Variants in GFPT2 observed in about 807,000 individuals in gnomAD.
GFPT2 encodes the protein glutamine--fructose-6-phosphate transaminase 2.
A neutral mutation model predicts 85.6 loss-of-function variants in GFPT2; 62 were observed. The observed-to-expected ratio is 0.72, with a 90% CI of 0.59 to 0.90. The LOEUF (loss-of-function observed/expected upper bound fraction) is 0.90. GFPT2 is among the 40% of genes least tolerant of loss of function. The pLI is 0.00. For synonymous variants in GFPT2, 368 were observed against 344.5 expected (o/e 1.07, Z -0.75); for missense variants, 788 against 893.4 (o/e 0.88, Z 1.50).
At chr5:180,322,868 CTA>C (rs1561877678) in intron 9 of GFPT2, among the ~76,000 whole-genome samples, 1 of 151,850 alleles carries the variant, frequency 6.6e-6, no homozygotes, top group African/African-American at 2.4e-5. Context: ...AACCCCATCT[CTA>C]CTAAAAATAC....
At position 180,317,024 on chromosome 5, in the gene GFPT2, G is replaced by C. The variant is rs201192607; in HGVS notation, c.993C>G (p.Phe331Leu). The C allele has an allele frequency of 1.9e-6, 3 of 1,610,914 alleles. No individual in the cohort carries two copies. The highest frequency in any genetic ancestry group is 2.5e-6 in the Non-Finnish European group (3 of 1,177,218). ...NFSAFMQKEI[F>L]EQPESVFNTM... is the part of the protein sequence containing the mutation. ...TATTGAAAACTGATTCTGGCTGTTC[G>C]AAGATCTCCTTCTGCATAAACGCAC... Residue 331 changes from phenylalanine to leucine, a missense_variant, in exon 11 of 19, where the codon TTC becomes TTG. Coordinates refer to ENST00000253778, the MANE Select transcript of GFPT2 (RefSeq NM_005110.4).
At chr5:180,336,937 T>G (rs1309151405) in intron 2 of GFPT2, among the ~76,000 whole-genome samples, 4 of 152,280 alleles carry the variant, frequency 2.6e-5, no homozygotes, top group Non-Finnish European at 4.4e-5. Flanking sequence ...GATATTTCGT[T>G]GGTATCTCCA....
At chr5:180,349,318 A>G (rs970059600) in intron 1 of GFPT2, among the ~76,000 whole-genome samples, 3 of 152,122 alleles carry the variant, frequency 2.0e-5, no homozygotes, top group Non-Finnish European at 4.4e-5. Flanking sequence ...AAAAATAAAA[A>G]TAAAATACCT....
chr5:180,301,552 A>T lies in GFPT2; in HGVS notation c.*12T>A. ...GATGAAAGGTGGTGATGGTCTTGTC[A>T]CGGTCTCAGCCTCATTCCACAGTTA... On this transcript the variant is annotated 3_prime_UTR_variant, in exon 19 of 19. Coordinates refer to ENST00000253778, the MANE Select transcript of GFPT2 (RefSeq NM_005110.4). 1 of 1,608,238 alleles carries T rather than the reference A, an allele frequency of 6.2e-7. No individual in the cohort carries two copies.
chr5:180,335,563 C>T (rs1178426840), intron 4 of GFPT2, among the ~76,000 whole-genome samples: 1 of 152,252 alleles, frequency 6.6e-6, no homozygotes. Flanking sequence ...TCCAAGGAGC[C>T]AGCAGCTCTC....
chr5:180,307,075 G>A lies in GFPT2; in HGVS notation c.1674+101C>T, dbSNP rs116583451. 8,441 of 957,032 alleles carry A rather than the reference G, an allele frequency of 8.8e-3. 147 individuals carry two copies. Among genetic ancestry groups the A allele is most frequent in the East Asian group, 0.053 (2,014 of 38,216 alleles). The allele number at this position is 957,032 out of a possible 1,614,324, so 59.3% of individuals were successfully genotyped here. On this transcript the variant is annotated intron_variant, in intron 16 of 18. Transcript: ENST00000253778. ...GACTGGCCAAGGGGTCCTTAGGCCC[G>A]GCCCTCCCCAAGCCCAACGCCCTGC...
At position 180,312,858 on chromosome 5, in the gene GFPT2, C is replaced by A. The variant is rs537704872; in HGVS notation, c.1432-314G>T. Among the ~76,000 whole-genome samples the A allele has an allele frequency of 4.2e-3, 633 of 152,268 alleles. 5 individuals carry two copies. The highest frequency in any genetic ancestry group is 7.2e-3 in the Non-Finnish European group (490 of 68,022). ...GTGGCTCGATCTCGGCTCACTGCAA[C>A]CTCCACCTACCAGGTTCAAGCGATT... On this transcript the variant is annotated intron_variant, in intron 14 of 18. Transcript: ENST00000253778.
intron 15 of GFPT2, among the ~76,000 whole-genome samples, chr5:180,307,865 C>G (rs903210486): frequency 6.6e-6 from 1 of 152,220 alleles, no homozygotes; most frequent in Middle Eastern, 3.2e-3. Context: ...GTAATCGCCG[C>G]ACTTTGGGAG....
chr5:180,348,316 G>A (rs966652026), intron 1 of GFPT2, among the ~76,000 whole-genome samples: 1 of 152,234 alleles, frequency 6.6e-6, no homozygotes, highest in Non-Finnish European at 1.5e-5. Context: ...GGGGGAAGAG[G>A]GACAGGTCCA....
rs1250706844 is a variant in GFPT2 at position 180,353,286 on chromosome 5, T to C, written c.-69A>G. ...CCGTTCGGACGCTGGGGCTCCTCCG[T>C]GGGCTCCTCCGTGGGCTCCGTGGGC... On this transcript the variant is annotated 5_prime_UTR_variant, in exon 1 of 19. Transcript: ENST00000253778. 3 of 1,185,396 alleles carry C rather than the reference T, an allele frequency of 2.5e-6. No individual in the cohort carries two copies. The highest frequency in any genetic ancestry group is 3.2e-6 in the Non-Finnish European group (3 of 945,910). The allele number at this position is 1,185,396 out of a possible 1,614,324, so 73.4% of individuals were successfully genotyped here. A position where few individuals can be genotyped will look rare whatever the true frequency, so the allele number is the denominator to read the frequency against.
chr5:180,334,370 G>A (rs1367678264), intron 4 of GFPT2, among the ~76,000 whole-genome samples: 2 of 152,208 alleles, frequency 1.3e-5, no homozygotes, highest in Non-Finnish European at 2.9e-5. Context: ...CAGCACCACT[G>A]CACTTTCTGT....
At chr5:180,324,089 G>T in intron 9 of GFPT2, 99 bp downstream of exon 9, 1 of 758,794 alleles carries the variant, frequency 1.3e-6, no homozygotes, top group South Asian at 1.7e-5. Flanking sequence ...GCTGAGCCAC[G>T]ATAGCTCACA....
chr5:180,344,828 G>A (rs1461077518), intron 1 of GFPT2, among the ~76,000 whole-genome samples: 4 of 151,230 alleles, frequency 2.6e-5, no homozygotes, highest in Non-Finnish European at 5.9e-5. Context: ...CTGGTCCCCT[G>A]TTCCACTCCC....
chr5:180,342,965 G>C (rs1262949600), intron 1 of GFPT2, among the ~76,000 whole-genome samples: 1 of 152,046 alleles, frequency 6.6e-6, no homozygotes, highest in East Asian at 1.9e-4. Flanking sequence ...TTCCCTGTGG[G>C]GACATGGTCA....
rs1764290079 is a variant in GFPT2 at position 180,330,960 on chromosome 5, AG to A, written c.400-127del. ...AAGTCAAGAACAGGGAAAACCGGGA[AG>A]GGGGGAAAAATGTTTGCCAGCATCA... On this transcript the variant is annotated intron_variant, in intron 5 of 18. Transcript: ENST00000253778. This position sits in a 1 kb window ranked among gnomAD's most constrained non-coding sequence, Gnocchi z 4.4. The A allele has an allele frequency of 7.2e-6, 6 of 837,178 alleles. No homozygotes were observed. The highest frequency in any genetic ancestry group is 7.4e-6 in the Non-Finnish European group (4 of 542,880). 51.9% of individuals were successfully genotyped at this position (837,178 alleles called of 1,614,324 possible).
At chr5:180,332,481 T>A (rs1407297400) in intron 4 of GFPT2, among the ~76,000 whole-genome samples, 1 of 152,128 alleles carries the variant, frequency 6.6e-6, no homozygotes, top group East Asian at 1.9e-4. Flanking sequence ...GGGATACGCT[T>A]CATAAATATT....
At position 180,301,464 on chromosome 5, in the gene GFPT2, C is replaced by T; in HGVS notation, c.*100G>A. On this transcript the variant is annotated 3_prime_UTR_variant, in exon 19 of 19. Transcript: ENST00000253778. ...TCAAGCTCTACAGGAGCACGCAGAA[C>T]ATGTGGGATGTCCACTTCTCTTCCC... 9.7e-7 allele frequency: 1 copy of T among 1,031,906 alleles called. No homozygotes were observed. The highest frequency in any genetic ancestry group is 1.5e-6 in the Non-Finnish European group (1 of 652,908). 63.9% of individuals were successfully genotyped at this position (1,031,906 alleles called of 1,614,324 possible).
intron 1 of GFPT2, among the ~76,000 whole-genome samples, chr5:180,342,478 C>T (rs1332832245): frequency 7.3e-6 from 1 of 137,142 alleles, no homozygotes; most frequent in Non-Finnish European, 1.5e-5. Context: ...GTTGTGATCT[C>T]GGCTCACTGC....
In GFPT2 at chr5:180,337,453, G is replaced by GA. The variant is rs35211599; in HGVS notation, c.116-877dup. 1.3e-3 allele frequency among the ~76,000 whole-genome samples: 125 copies of GA among 99,276 alleles called. 1 individual carries two copies. Among genetic ancestry groups the GA allele is most frequent in the South Asian group, 1.7e-3 (5 of 2,980 alleles). 65.1% of individuals were successfully genotyped at this position (99,276 alleles called of 152,430 possible). ...GGGTGACAGAGCGAGACTCCATCTC[G>GA]AAAAAAAAAAAAAAAGAATGAATGA... On this transcript the variant is annotated intron_variant, in intron 2 of 18. Transcript: ENST00000253778.
Sources: gnomAD v4.1 joint callset for allele counts (sites outside exome capture counted in the v4.1 genomes callset) on GRCh38, gnomAD v4.1.1 for gene constraint, Gnocchi (gnomAD v3.1) non-coding constraint, MANE v1.5 for transcripts, NCBI Gene and HGNC (gene_info 2026-07-23, HGNC 2026-07-21) for gene names.